Variants in DYNC2H1 observed in about 807,000 individuals in gnomAD.
DYNC2H1 encodes the protein cytoplasmic dynein 2 heavy chain 1.
Under a neutral mutation model 570.0 loss-of-function variants are expected in DYNC2H1, and 410 were observed. The observed-to-expected ratio is 0.72, with a 90% CI of 0.66 to 0.78. DYNC2H1 has a LOEUF of 0.78. Among genes scored for constraint, DYNC2H1 ranks in the 30% least tolerant of loss-of-function variants. The pLI is 0.00. For synonymous variants in DYNC2H1, 1,688 were observed against 1,677.6 expected, an observed-to-expected ratio of 1.01 and a Z score of -0.15; for missense variants, 4,865 against 5,046.4, an observed-to-expected ratio of 0.96 and a Z score of 1.09.
intron 88 of DYNC2H1, among the ~76,000 whole-genome samples, chr11:103,468,908 G>C (rs1945280313): frequency 6.6e-6 from 1 of 152,120 alleles, no homozygotes. Context: ...TTTTGTTATA[G>C]AAAGAATAAC....
rs377486140 is a variant in DYNC2H1 at position 103,268,675 on chromosome 11, T to A, written c.10695+8698T>A. Among the ~76,000 whole-genome samples the A allele has an allele frequency of 7.2e-5, 11 of 152,106 alleles. No individual in the cohort carries two copies. The East Asian group carries it at 1.9e-3, about 27-fold the overall frequency. On this transcript the variant is annotated intron_variant, in intron 70 of 88. Transcript: ENST00000375735. The surrounding 1 kb of genome is among the most constrained non-coding windows in gnomAD (Gnocchi z 4.6). ...GAAAATGTTATGGAGTTACAGTTAT[T>A]TTAAGCTGCCCCAAATCTTTTTTGA...
At chr11:103,119,279 T>G in intron 6 of DYNC2H1, among the ~76,000 whole-genome samples, 1 of 152,158 alleles carries the variant, frequency 6.6e-6, no homozygotes, top group Non-Finnish European at 1.5e-5. Flanking sequence ...GTTCAGTTTT[T>G]GGGCAGAGAG....
chr11:103,134,869 G>A (rs552867315), intron 15 of DYNC2H1, among the ~76,000 whole-genome samples: 53 of 152,070 alleles, frequency 3.5e-4, no homozygotes, highest in African/African-American at 1.3e-3. Flanking sequence ...TATAAAGGTG[G>A]CTAGCACAAA....
intron 82 of DYNC2H1, among the ~76,000 whole-genome samples, chr11:103,349,947 C>T (rs574962361): frequency 2.0e-5 from 3 of 152,138 alleles, no homozygotes; most frequent in African/African-American, 7.2e-5. Flanking sequence ...TTCCCGCCTC[C>T]CCCTTTATCC....
intron 82 of DYNC2H1, among the ~76,000 whole-genome samples, chr11:103,345,758 C>T (rs1939710730): frequency 6.6e-6 from 1 of 152,114 alleles, no homozygotes; most frequent in Admixed American, 6.5e-5. Flanking sequence ...AAATAGATTA[C>T]TCTGGCAGAG....
chr11:103,323,855 A>T, intron 81 of DYNC2H1, 31 bp from the exon 82 acceptor site: 1 of 1,545,762 alleles, frequency 6.5e-7, no homozygotes, highest in Non-Finnish European at 8.9e-7. Flanking sequence ...TTATTTTTTA[A>T]AAAAACTGTT....
rs893806215 is a variant in DYNC2H1, at chr11:103,354,843, A to G, written c.12040-3400A>G. Among the ~76,000 whole-genome samples the G allele has an allele frequency of 5.5e-5, 8 of 145,538 alleles. No homozygotes were observed. The Admixed American group carries it at 5.5e-4, about 10-fold the overall frequency. The stretch of plus-strand genomic sequence containing the variant: ...TTTTTCCTCAATGTTCTCCAATTAC[A>G]TTGTGCAGTACCAGATGATTTCATT... On this transcript the variant is annotated intron_variant, in intron 82 of 88. Coordinates refer to ENST00000375735, the MANE Select transcript of DYNC2H1 (RefSeq NM_001377.3).
Position 103,199,977 on chromosome 11 carries a change from C to A in DYNC2H1, c.8089-69C>A. ...TACTGGCATACTTTACATACAAATA[C>A]AAAATGTTAATTTTTAACTGTACCA... On this transcript the variant is annotated intron_variant, in intron 49 of 88. Transcript: ENST00000375735. The surrounding 1 kb of genome is among the most constrained non-coding windows in gnomAD (Gnocchi z 4.6). 2.0e-6 allele frequency: 2 copies of A among 1,010,466 alleles called. No homozygotes were observed. Among genetic ancestry groups the A allele is most frequent in the Non-Finnish European group, 3.0e-6 (2 of 666,076 alleles). The allele number at this position is 1,010,466 out of a possible 1,614,324, so 62.6% of individuals were successfully genotyped here. A position where few individuals can be genotyped will look rare whatever the true frequency, so the allele number is the denominator to read the frequency against.
At chr11:103,220,939 A>G (rs974991322) in intron 57 of DYNC2H1, among the ~76,000 whole-genome samples, 156 bp downstream of exon 57, 2 of 152,154 alleles carry the variant, frequency 1.3e-5, no homozygotes, top group Non-Finnish European at 2.9e-5. Flanking sequence ...CTATGTAATC[A>G]TATATCAAGA....
intron 74 of DYNC2H1, among the ~76,000 whole-genome samples, chr11:103,286,989 A>G (rs373094690): frequency 5.8e-4 from 88 of 152,298 alleles, no homozygotes; most frequent in African/African-American, 2.0e-3. Flanking sequence ...AAACTTAAAC[A>G]TCTAGGAATA....
In DYNC2H1 at chr11:103,168,891, T is replaced by C. The variant is rs181546925; in HGVS notation, c.4899T>C (p.Tyr1633=). Residue 1633 remains tyrosine (Y), a synonymous_variant, in exon 32 of 89, where the codon TAT becomes TAC. Coordinates refer to ENST00000375735, the MANE Select transcript of DYNC2H1 (RefSeq NM_001377.3). ...DWAWKKQLRF[Y]MKSDHTCCVQ... is the part of the protein sequence containing the mutation. ...CTTGGAAAAAACAACTTAGATTCTA[T>C]ATGAAAAGTGATCATACATGTTGTG... is the stretch of plus-strand genomic sequence containing the variant. 89 of 1,613,182 alleles carry C rather than the reference T, an allele frequency of 5.5e-5. 1 individual carries two copies. The Middle Eastern group carries it at 8.3e-4, about 15-fold the overall frequency.
At chr11:103,406,215 A>C (rs923850383) in intron 84 of DYNC2H1, 8 of 151,986 alleles carry the variant, frequency 5.3e-5, no homozygotes, top group Admixed American at 1.3e-4. Flanking sequence ...CTAAATTTCT[A>C]AGTTATGATT....
chr11:103,181,956 C>G lies in DYNC2H1; in HGVS notation c.6477+70C>G, dbSNP rs1029362764. On this transcript the variant is annotated intron_variant, in intron 40 of 88. Coordinates refer to ENST00000375735, the MANE Select transcript of DYNC2H1 (RefSeq NM_001377.3). The surrounding 1 kb of genome is among the most constrained non-coding windows in gnomAD (Gnocchi z 5.0). ...TGATTAAGAGTGATGCTTATTTTAACTTCCTTGTGGTAGAACTCTGCTGGA... is the reference window on the plus strand; with the variant it reads ...TGATTAAGAGTGATGCTTATTTTAAGTTCCTTGTGGTAGAACTCTGCTGGA... 1 of 1,513,054 alleles carries G rather than the reference C, an allele frequency of 6.6e-7. No homozygotes were observed. The allele number at this position is 1,513,054 out of a possible 1,614,324, so 93.7% of individuals were successfully genotyped here.
chr11:103,394,603 G>A (rs919287486), intron 83 of DYNC2H1, among the ~76,000 whole-genome samples: 1 of 151,862 alleles, frequency 6.6e-6, no homozygotes, highest in Non-Finnish European at 1.5e-5. Flanking sequence ...TGAGTTCAAA[G>A]AGTTGAAAGA....
At chr11:103,338,756 G>A (rs1056034582) in intron 82 of DYNC2H1, among the ~76,000 whole-genome samples, 1 of 152,174 alleles carries the variant, frequency 6.6e-6, no homozygotes, top group Non-Finnish European at 1.5e-5. Flanking sequence ...GCTTCATGAA[G>A]ACAGCTGTTT....
At chr11:103,259,754 C>A in intron 69 of DYNC2H1, 134 bp from the exon 70 acceptor site, 2 of 540,958 alleles carry the variant, frequency 3.7e-6, no homozygotes, top group South Asian at 3.0e-5. Flanking sequence ...GTTTAATGCA[C>A]TTGTTTAGTC....
chr11:103,479,842 T>C lies in DYNC2H1; in HGVS notation c.*589T>C, dbSNP rs1442768949. On this transcript the variant is annotated 3_prime_UTR_variant, in exon 89 of 89. Transcript: ENST00000375735. ...AATAATGGAGGATAAATTCTGGTTA[T>C]TAAACATTCAGCTTTTTTGTGTTTT... The C allele has an allele frequency of 6.6e-6, 1 of 152,100 alleles. No homozygotes were observed. The highest frequency in any genetic ancestry group is 2.1e-4 in the South Asian group (1 of 4,832). The allele number at this position is 152,100 out of a possible 1,614,324, so 9.4% of individuals were successfully genotyped here. A position where few individuals can be genotyped will look rare whatever the true frequency, so the allele number is the denominator to read the frequency against.
intron 65 of DYNC2H1, among the ~76,000 whole-genome samples, chr11:103,250,588 T>C (rs1202928442): frequency 2.6e-5 from 4 of 152,172 alleles, no homozygotes; most frequent in East Asian, 1.9e-4. Context: ...TTTTCTGAAC[T>C]GTATTTTAAA....
intron 85 of DYNC2H1, among the ~76,000 whole-genome samples, chr11:103,443,583 T>C (rs1565603948): frequency 2.0e-5 from 3 of 151,838 alleles, no homozygotes; most frequent in Non-Finnish European, 4.4e-5. Flanking sequence ...ATAAGACTCA[T>C]AGCTTAGCAA....
Sources: gnomAD v4.1 joint callset for allele counts (sites outside exome capture counted in the v4.1 genomes callset) on GRCh38, gnomAD v4.1.1 for gene constraint, Gnocchi (gnomAD v3.1) non-coding constraint, MANE v1.5 for transcripts, NCBI Gene and HGNC (gene_info 2026-07-23, HGNC 2026-07-21) for gene names.